Variants in ADAMTS16 observed in about 807,000 individuals in gnomAD.
The protein encoded by ADAMTS16 is ADAM metallopeptidase with thrombospondin type 1 motif 16.
In ADAMTS16, 94 loss-of-function variants were observed where a neutral mutation model predicts 145.8. The ratio of observed to expected loss-of-function variants is 0.64; its 90% CI spans 0.55 to 0.77. The LOEUF (loss-of-function observed/expected upper bound fraction) is 0.77. ADAMTS16 is among the 30% of genes least tolerant of loss of function. The probability of loss-of-function intolerance (pLI) is 0.00; values close to 1 mark genes in which losing one functional copy is unlikely to be tolerated. For synonymous variants in ADAMTS16, 659 were observed against 604.3 expected, an observed-to-expected ratio of 1.09 and a Z score of -1.33; for missense variants, 1,585 against 1,591.5, an observed-to-expected ratio of 1.00 and a Z score of 0.07.
At chr5:5,187,666 A>C in intron 5 of ADAMTS16, 59 bp from the exon 6 acceptor site, 1 of 1,165,374 alleles carries the variant, frequency 8.6e-7, no homozygotes. Context: ...TAGGCCCGCT[A>C]GTAAGTAGGG....
intron 18 of ADAMTS16, among the ~76,000 whole-genome samples, chr5:5,288,477 C>T (rs11134103): frequency 0.85 from 128,868 of 152,134 alleles, 55,019 homozygotes; most frequent in Non-Finnish European, 0.89. Flanking sequence ...TTTGGAACGA[C>T]TGAGGCTCTG....
intron 20 of ADAMTS16, among the ~76,000 whole-genome samples, chr5:5,304,389 C>T (rs959860306): frequency 2.0e-5 from 3 of 151,928 alleles, no homozygotes; most frequent in African/African-American, 7.2e-5. Flanking sequence ...TCATGACCAG[C>T]TTTGGACCAA....
At chr5:5,220,769 G>A (rs1213446193) in intron 10 of ADAMTS16, among the ~76,000 whole-genome samples, 3 of 152,014 alleles carry the variant, frequency 2.0e-5, no homozygotes, top group Non-Finnish European at 4.4e-5. Context: ...AGGACTCAGG[G>A]GTCCTGCCTG....
chr5:5,245,988 G>C (rs1737428443), intron 17 of ADAMTS16, among the ~76,000 whole-genome samples: 1 of 152,178 alleles, frequency 6.6e-6, no homozygotes, highest in Admixed American at 6.6e-5. Flanking sequence ...TAGGGAAACA[G>C]CATGCCAAGA....
chr5:5,206,036 T>G (rs1736097180), intron 9 of ADAMTS16, among the ~76,000 whole-genome samples: 1 of 152,210 alleles, frequency 6.6e-6, no homozygotes, highest in South Asian at 2.1e-4. Context: ...CAAGGTCACC[T>G]AGATTTTCTC....
chr5:5,285,636 T>TA (rs1739076833), intron 18 of ADAMTS16, among the ~76,000 whole-genome samples: 1 of 152,234 alleles, frequency 6.6e-6, no homozygotes, highest in African/African-American at 2.4e-5. Context: ...CTATTAGTAT[T>TA]ATAGGAACTC....
At chr5:5,159,926 G>A (rs1734697235) in intron 3 of ADAMTS16, among the ~76,000 whole-genome samples, 1 of 152,180 alleles carries the variant, frequency 6.6e-6, no homozygotes, top group Non-Finnish European at 1.5e-5. Flanking sequence ...GGCAGTCAAA[G>A]GAGCCATAAA....
intron 18 of ADAMTS16, among the ~76,000 whole-genome samples, chr5:5,294,707 T>C (rs912782840): frequency 6.6e-6 from 1 of 151,994 alleles, no homozygotes; most frequent in Non-Finnish European, 1.5e-5. Flanking sequence ...CAGGAGGGAG[T>C]AGCTTTGCTG....
intron 18 of ADAMTS16, among the ~76,000 whole-genome samples, chr5:5,293,301 T>C (rs1739402510): frequency 6.6e-6 from 1 of 152,202 alleles, no homozygotes; most frequent in Admixed American, 6.5e-5. Context: ...GTTTCCTTTC[T>C]CGGTTCCCTC....
chr5:5,252,026 T>A (rs1737643057), intron 17 of ADAMTS16, among the ~76,000 whole-genome samples: 2 of 152,158 alleles, frequency 1.3e-5, no homozygotes, highest in Admixed American at 6.5e-5. Flanking sequence ...ACTTTTTGTA[T>A]TTTTAGTAGA....
At chr5:5,214,976 G>A (rs1210946283) in intron 10 of ADAMTS16, among the ~76,000 whole-genome samples, 2 of 152,122 alleles carry the variant, frequency 1.3e-5, no homozygotes, top group Admixed American at 1.3e-4. Flanking sequence ...ACAATAAGAA[G>A]CAAATGGCCC....
chr5:5,250,330 C>T (rs1184625689), intron 17 of ADAMTS16, among the ~76,000 whole-genome samples: 1 of 152,044 alleles, frequency 6.6e-6, no homozygotes, highest in Non-Finnish European at 1.5e-5. Flanking sequence ...TGATAGGAGC[C>T]ATGCAGAAAA....
chr5:5,257,456 C>T (rs567055350), intron 17 of ADAMTS16, among the ~76,000 whole-genome samples: 8 of 152,046 alleles, frequency 5.3e-5, no homozygotes, highest in Admixed American at 3.9e-4. Context: ...ATTAGAGTCA[C>T]CATGTAATGC....
At chr5:5,169,840 G>C (rs1208193710) in intron 3 of ADAMTS16, among the ~76,000 whole-genome samples, 1 of 152,142 alleles carries the variant, frequency 6.6e-6, no homozygotes, top group East Asian at 1.9e-4. Flanking sequence ...CAGCAGAAGT[G>C]GATGTGTCTA....
intron 18 of ADAMTS16, among the ~76,000 whole-genome samples, chr5:5,263,741 T>C (rs1053928842): frequency 2.0e-5 from 3 of 152,132 alleles, no homozygotes; most frequent in African/African-American, 7.2e-5. Flanking sequence ...TTTAGTTCCA[T>C]CATCCACAGC....
intron 3 of ADAMTS16, among the ~76,000 whole-genome samples, chr5:5,172,897 G>A (rs72741821): frequency 0.14 from 20,599 of 151,938 alleles, 1,747 homozygotes; most frequent in Middle Eastern, 0.27. Flanking sequence ...TTATATCTGG[G>A]TGCTGCAATA....
chr5:5,218,303 G>A (rs1736493214), intron 10 of ADAMTS16, among the ~76,000 whole-genome samples: 1 of 152,162 alleles, frequency 6.6e-6, no homozygotes, highest in African/African-American at 2.4e-5. Context: ...CATCGATACT[G>A]AAACAGAAGA....
chr5:5,197,724 T>C (rs1330610992), intron 8 of ADAMTS16, among the ~76,000 whole-genome samples: 1 of 152,228 alleles, frequency 6.6e-6, no homozygotes, highest in Non-Finnish European at 1.5e-5. Flanking sequence ...TGTGACTTTA[T>C]TAATGGTGGT....
chr5:5,244,702 T>A (rs1487219541), intron 17 of ADAMTS16, among the ~76,000 whole-genome samples: 1 of 152,236 alleles, frequency 6.6e-6, no homozygotes, highest in Non-Finnish European at 1.5e-5. Flanking sequence ...TAACAAAGAT[T>A]ATTCTGCCAG....
Sources: allele counts gnomAD v4.1 joint callset (sites outside exome capture counted in the v4.1 genomes callset), GRCh38; gene constraint gnomAD v4.1.1; transcripts MANE v1.5; gene names NCBI Gene and HGNC (gene_info 2026-07-23, HGNC 2026-07-21).